HIRA: variants seen among roughly 807,000 people sequenced by gnomAD.
HIRA encodes the protein protein HIRA.
HIRA carries 13 observed loss-of-function variants against 126.6 expected under a neutral mutation model. The observed-to-expected ratio is 0.10, with a 90% CI of 0.07 to 0.16. The LOEUF is 0.16. Ranked by LOEUF, HIRA falls within the 10% of genes least tolerant of loss-of-function variation. HIRA has a pLI of 1.00. For missense variants in HIRA, 834 were observed against 1,314.4 expected (o/e 0.63, Z 5.65); for synonymous variants, 511 against 520.0 (o/e 0.98, Z 0.24).
intron 1 of HIRA, among the ~76,000 whole-genome samples, chr22:19,413,921 G>C (rs2089374811): frequency 6.6e-6 from 1 of 151,982 alleles, no homozygotes; most frequent in Non-Finnish European, 1.5e-5. Context: ...GGCCAGGAAT[G>C]AACCTCTTCT....
At chr22:19,359,306 T>G in intron 18 of HIRA, 30 bp downstream of exon 18, 1 of 1,519,904 alleles carries the variant, frequency 6.6e-7, no homozygotes, top group South Asian at 1.3e-5. Flanking sequence ...CTGTGTCACC[T>G]GGGCCGGCTA....
At chr22:19,391,664 T>C (rs904288984) in intron 9 of HIRA, among the ~76,000 whole-genome samples, 1 of 152,050 alleles carries the variant, frequency 6.6e-6, no homozygotes, top group African/African-American at 2.4e-5. Flanking sequence ...GTATTTTTAG[T>C]AGAGACGGGG....
chr22:19,388,425 T>G, intron 10 of HIRA, 59 bp downstream of exon 10: 2 of 1,368,270 alleles, frequency 1.5e-6, no homozygotes, highest in Non-Finnish European at 2.1e-6. Context: ...GAAGGCCTCA[T>G]GTTCCAATGT....
chr22:19,405,818 C>T lies in HIRA; in HGVS notation c.365G>A (p.Arg122Gln). 1 of 1,498,152 alleles carries T rather than the reference C, an allele frequency of 6.7e-7. No individual in the cohort carries two copies. The highest frequency in any genetic ancestry group is 9.0e-7 in the Non-Finnish European group (1 of 1,116,784). The allele number at this position is 1,498,152 out of a possible 1,614,324, so 92.8% of individuals were successfully genotyped here. ...SGKLANVEQW[R>Q]CVSILRNHSG... ...ATGATTCCGGAGGATAGAGACACAC[C>T]GCCACTGCTCCACATTGGCAAGCTT... Residue 122 changes from arginine (R) to glutamine (Q), a missense_variant, in exon 5 of 25, where the codon CGG (arginine) becomes CAG (glutamine). Physicochemically the swap from Arg to Gln is conservative, Grantham distance 43 (BLOSUM62 1). Coordinates refer to ENST00000263208, the MANE Select transcript of HIRA (RefSeq NM_003325.4).
chr22:19,398,167 A>G, intron 5 of HIRA, 80 bp from the exon 6 acceptor site: 2 of 1,006,264 alleles, frequency 2.0e-6, no homozygotes, highest in Non-Finnish European at 3.1e-6. Flanking sequence ...TGCCCCTGGG[A>G]CCTGGGACCA....
chr22:19,418,826 A>T (rs892948200), intron 1 of HIRA, among the ~76,000 whole-genome samples: 3 of 152,118 alleles, frequency 2.0e-5, no homozygotes, highest in African/African-American at 7.2e-5. Flanking sequence ...ATAGTTTTGC[A>T]AAATGTTAAC....
chr22:19,349,583 A>G (rs1294656664), intron 24 of HIRA, among the ~76,000 whole-genome samples: 1 of 152,234 alleles, frequency 6.6e-6, no homozygotes, highest in East Asian at 1.9e-4. Context: ...GTACTTACAA[A>G]GCAATGGAAA....
In HIRA at chr22:19,377,988, A is replaced by G. The variant is rs1235896377; in HGVS notation, c.1494T>C (p.Ser498=). The G allele has an allele frequency of 3.1e-6, 5 of 1,613,742 alleles. No individual in the cohort carries two copies. Among genetic ancestry groups the G allele is most frequent in the Non-Finnish European group, 4.2e-6 (5 of 1,179,910 alleles). The stretch of plus-strand genomic sequence containing the variant: ...TGGAGTCCAGTGGCAGTAGCTGTGG[A>G]CTGCTATGAGAAGAGAGCATGGTGC... ...LAGTMLSSHS[S]PQLLPLDSST... The change falls in exon 14 of 25, where the codon AGT becomes AGC. Residue 498 remains serine, a synonymous_variant. Coordinates refer to ENST00000263208, the MANE Select transcript of HIRA (RefSeq NM_003325.4).
chr22:19,344,592 C>A (rs1211624230), intron 24 of HIRA, among the ~76,000 whole-genome samples: 2 of 152,110 alleles, frequency 1.3e-5, no homozygotes, highest in Non-Finnish European at 2.9e-5. Flanking sequence ...GAATTAACAC[C>A]AATCCTCCTT....
chr22:19,349,250 G>A (rs1178628270), intron 24 of HIRA, among the ~76,000 whole-genome samples: 2 of 151,942 alleles, frequency 1.3e-5, no homozygotes, highest in African/African-American at 4.8e-5. Context: ...GATTACAGGA[G>A]TGTGCCACCA....
At chr22:19,381,844 T>C (rs1009460112) in intron 13 of HIRA, among the ~76,000 whole-genome samples, 4 of 152,246 alleles carry the variant, frequency 2.6e-5, no homozygotes, top group Non-Finnish European at 5.9e-5. Context: ...AACAGTTACC[T>C]GAGTTACCTG....
chr22:19,405,960 C>T, intron 4 of HIRA, 80 bp from the exon 5 acceptor site: 1 of 880,722 alleles, frequency 1.1e-6, no homozygotes, highest in Non-Finnish European at 1.6e-6. Flanking sequence ...GCCAGCTTAT[C>T]AGGGCACACA....
chr22:19,412,321 G>A lies in HIRA; in HGVS notation c.38-1543C>T, dbSNP rs538028011. On this transcript the variant is annotated intron_variant, in intron 1 of 24. Transcript: ENST00000263208. ...GAGGTGTTCTATCCCCAAGCTATTC[G>A]AGCCATCCCAGCAGATTCCATAGAG... is the stretch of plus-strand genomic sequence containing the variant. Among the ~76,000 whole-genome samples, 258 of 152,246 alleles carry A rather than the reference G, an allele frequency of 1.7e-3. 1 individual carries two copies. Among genetic ancestry groups the A allele is most frequent in the African/African-American group, 6.0e-3 (249 of 41,534 alleles).
chr22:19,429,829 A>C (rs1753068074), intron 1 of HIRA, among the ~76,000 whole-genome samples: 1 of 152,210 alleles, frequency 6.6e-6, no homozygotes, highest in African/African-American at 2.4e-5. Context: ...GATTTAGGTA[A>C]AGCATTTTAA....
At chr22:19,429,964 C>G (rs1384938599) in intron 1 of HIRA, 2 of 152,192 alleles carry the variant, frequency 1.3e-5, no homozygotes, top group African/African-American at 4.8e-5. Flanking sequence ...AAGATCTGCA[C>G]AGTACACATC....
In HIRA at chr22:19,356,912, C is replaced by T. The variant is rs782447548; in HGVS notation, c.2374G>A (p.Ala792Thr). 2.4e-5 allele frequency: 39 copies of T among 1,613,680 alleles called. No individual in the cohort carries two copies. The highest frequency in any genetic ancestry group is 3.3e-5 in the Admixed American group (2 of 60,012). Residue 792 changes from alanine to threonine, a missense_variant, in exon 19 of 25, where the codon GCT becomes ACT. Around this residue, in one of 5 missense-constraint regions of HIRA, gnomAD observed 468 missense variants for 574.2 expected, o/e 0.82. Transcript: ENST00000263208. ...CACCAGACAGAGAGTGTGGCTGCAGCGGTGAGCGCCATGACGTAGGAGCCT... is the reference window on the plus strand; with the variant it reads ...CACCAGACAGAGAGTGTGGCTGCAGTGGTGAGCGCCATGACGTAGGAGCCT... Reference protein sequence around the residue: ...CTGSYVMALTAAATLSVWDVH... With the variant: ...CTGSYVMALTTAATLSVWDVH...
chr22:19,349,447 A>C (rs2088730216), intron 24 of HIRA, among the ~76,000 whole-genome samples: 1 of 152,184 alleles, frequency 6.6e-6, no homozygotes, highest in African/African-American at 2.4e-5. Context: ...CTCTCAGATG[A>C]TGGGGAAAAT....
At chr22:19,408,983 C>A (rs1187036921) in intron 2 of HIRA, among the ~76,000 whole-genome samples, 1 of 152,184 alleles carries the variant, frequency 6.6e-6, no homozygotes, top group Non-Finnish European at 1.5e-5. Context: ...AAGGGAAAGT[C>A]AATGTCATAA....
chr22:19,332,214 G>C (rs1268719677), intron 24 of HIRA, among the ~76,000 whole-genome samples: 1 of 152,224 alleles, frequency 6.6e-6, no homozygotes, highest in Non-Finnish European at 1.5e-5. Flanking sequence ...CTACCAGCCA[G>C]ACAACTTTAA....
Sources: gnomAD v4.1 joint callset for allele counts (sites outside exome capture counted in the v4.1 genomes callset) on GRCh38, gnomAD v4.1.1 for gene constraint, gnomAD v4.1.1 regional missense constraint, MANE v1.5 for transcripts, NCBI Gene and HGNC (gene_info 2026-07-23, HGNC 2026-07-21) for gene names.